KHDRBS2: variants seen among roughly 807,000 people sequenced by gnomAD.
KHDRBS2 encodes the protein KH domain-containing, RNA-binding, signal transduction-associated protein 2.
A neutral mutation model predicts 44.3 loss-of-function variants in KHDRBS2; 26 were observed. That is an observed-to-expected ratio of 0.59 (90% CI 0.43 to 0.81). The LOEUF (loss-of-function observed/expected upper bound fraction) is 0.81, where lower values mean the gene tolerates loss of function less well. Among genes scored for constraint, KHDRBS2 ranks in the 40% least tolerant of loss-of-function variants. The pLI, the probability that KHDRBS2 is intolerant of heterozygous loss-of-function variation, is 0.00. For synonymous variants in KHDRBS2, 194 were observed against 151.1 expected, an observed-to-expected ratio of 1.28 and a Z score of -2.08; for missense variants, 476 against 433.1, an observed-to-expected ratio of 1.10 and a Z score of -0.88.
chr6:61,820,786 G>A (rs1789775494), intron 6 of KHDRBS2, among the ~76,000 whole-genome samples: 1 of 151,942 alleles, frequency 6.6e-6, no homozygotes, highest in Admixed American at 6.6e-5. Context: ...CCATGCATGT[G>A]GGACACATTT....
At chr6:61,915,367 T>C (rs571099252) in intron 4 of KHDRBS2, among the ~76,000 whole-genome samples, 225 of 152,164 alleles carry the variant, frequency 1.5e-3, no homozygotes, top group African/African-American at 5.1e-3. Context: ...TCCTCATTTC[T>C]GTATAAGGAA....
intron 2 of KHDRBS2, among the ~76,000 whole-genome samples, chr6:62,163,467 C>T (rs1328410540): frequency 6.6e-6 from 1 of 152,000 alleles, no homozygotes; most frequent in African/African-American, 2.4e-5. Context: ...AGCACAAATA[C>T]TGTAGAAATG....
At chr6:61,569,046 G>A in the KHDRBS2 span, among the ~76,000 whole-genome samples, 11 of 33,704 alleles carry the variant, frequency 3.3e-4, no homozygotes, top group Non-Finnish European at 7.9e-4. Flanking sequence ...CTCATGGCAT[G>A]GGGCAGGGTC....
intron 6 of KHDRBS2, among the ~76,000 whole-genome samples, chr6:61,780,401 G>A (rs1286922126): frequency 6.6e-6 from 1 of 152,168 alleles, no homozygotes; most frequent in Non-Finnish European, 1.5e-5. Context: ...TTGGGAGGCT[G>A]AGGTGGGAGG....
At chr6:61,973,297 C>T (rs1771822466) in intron 4 of KHDRBS2, among the ~76,000 whole-genome samples, 1 of 151,982 alleles carries the variant, frequency 6.6e-6, no homozygotes, top group Non-Finnish European at 1.5e-5. Flanking sequence ...ATTCTGCTTC[C>T]CTTTTCTATT....
rs550621438 is a variant in KHDRBS2 at position 61,885,503 on chromosome 6, A to C, written c.810+9132T>G. 5.9e-5 allele frequency among the ~76,000 whole-genome samples: 9 copies of C among 152,298 alleles called. No individual in the cohort carries two copies. The East Asian group carries it at 1.5e-3, about 26-fold the overall frequency. On this transcript the variant is annotated intron_variant, in intron 6 of 8. Coordinates refer to ENST00000281156, the MANE Select transcript of KHDRBS2 (RefSeq NM_152688.4). ...GTAGTTCACAATGGAATAGCAGTAAAACCTCTATCTGTGAATACTTGTGTC... is the reference window on the plus strand; with the variant it reads ...GTAGTTCACAATGGAATAGCAGTAACACCTCTATCTGTGAATACTTGTGTC...
chr6:61,785,151 AAAAAAC>A (rs1783594038), intron 6 of KHDRBS2, among the ~76,000 whole-genome samples: 1 of 125,972 alleles, frequency 7.9e-6, no homozygotes. Context: ...CCTTGTCCTA[AAAAAAC>A]AAACAAACAA....
At chr6:61,965,046 G>A (rs1769598901) in intron 4 of KHDRBS2, among the ~76,000 whole-genome samples, 1 of 152,102 alleles carries the variant, frequency 6.6e-6, no homozygotes, top group Non-Finnish European at 1.5e-5. Flanking sequence ...TTGGGTGAAT[G>A]TAAACGAAGT....
intron 6 of KHDRBS2, among the ~76,000 whole-genome samples, chr6:61,889,415 C>A (rs1801468255): frequency 1.3e-5 from 2 of 152,200 alleles, no homozygotes; most frequent in Admixed American, 1.3e-4. Flanking sequence ...ATATTCATTT[C>A]AACAAACAGT....
chr6:61,608,147 T>C, the KHDRBS2 span, among the ~76,000 whole-genome samples: 1 of 152,136 alleles, frequency 6.6e-6, no homozygotes, highest in Non-Finnish European at 1.5e-5. Flanking sequence ...CCCAGATACT[T>C]TTTATGAAGG....
intron 3 of KHDRBS2, among the ~76,000 whole-genome samples, chr6:61,984,358 A>T (rs996082158): frequency 2.6e-5 from 4 of 152,156 alleles, no homozygotes; most frequent in African/African-American, 9.7e-5. Flanking sequence ...TTTTTTTGTG[A>T]AATTTCTAGC....
intron 7 of KHDRBS2, among the ~76,000 whole-genome samples, chr6:61,713,260 C>T (rs1770829825): frequency 6.6e-6 from 1 of 151,534 alleles, no homozygotes; most frequent in Non-Finnish European, 1.5e-5. Flanking sequence ...TAGCACCTAG[C>T]AAAATAGCAA....
intron 3 of KHDRBS2, among the ~76,000 whole-genome samples, chr6:61,982,854 C>T (rs1443418639): frequency 6.6e-6 from 1 of 152,090 alleles, no homozygotes; most frequent in Admixed American, 6.5e-5. Context: ...TGAAACAGTA[C>T]TGGTTCTTTA....
At position 61,905,139 on chromosome 6, in the gene KHDRBS2, A is replaced by AT. The variant is rs1457886461; in HGVS notation, c.484-3769dup. ...AAGAAAATAAATTGTATGTTGCCCA[A>AT]TTTTTTCAATACTTTACTTAATAAG... On this transcript the variant is annotated intron_variant, in intron 4 of 8. Transcript: ENST00000281156. 9.9e-5 allele frequency among the ~76,000 whole-genome samples: 15 copies of AT among 152,266 alleles called. No homozygotes were observed. The East Asian group carries it at 1.4e-3, about 14-fold the overall frequency.
At chr6:62,275,008 T>TACACACACACACAC (rs145870587) in intron 1 of KHDRBS2, among the ~76,000 whole-genome samples, 6 of 142,386 alleles carry the variant, frequency 4.2e-5, no homozygotes, top group African/African-American at 1.6e-4. Context: ...GCTCATCAAA[T>TACACACACACACAC]ACACACACAC....
chr6:61,570,593 A>T, the KHDRBS2 span, among the ~76,000 whole-genome samples: 4 of 152,160 alleles, frequency 2.6e-5, no homozygotes, highest in African/African-American at 4.8e-5. Flanking sequence ...TCATCGGAAA[A>T]AAATCATCAC....
chr6:62,235,753 C>T (rs529697023), intron 1 of KHDRBS2, among the ~76,000 whole-genome samples: 12 of 152,076 alleles, frequency 7.9e-5, no homozygotes, highest in African/African-American at 2.9e-4. Flanking sequence ...TCCTCATTAC[C>T]ATTTACTTCT....
At chr6:62,079,779 A>ATCT (rs1797045737) in intron 2 of KHDRBS2, among the ~76,000 whole-genome samples, 1 of 152,090 alleles carries the variant, frequency 6.6e-6, no homozygotes, top group Non-Finnish European at 1.5e-5. Flanking sequence ...GGACAGACAT[A>ATCT]TCCTAAGTTT....
At chr6:61,878,206 C>A (rs1242267639) in intron 6 of KHDRBS2, among the ~76,000 whole-genome samples, 1 of 151,902 alleles carries the variant, frequency 6.6e-6, no homozygotes, top group Non-Finnish European at 1.5e-5. Context: ...CCTGCATAGA[C>A]ACATTAATCT....
Sources: gnomAD v4.1 joint callset for allele counts (sites outside exome capture counted in the v4.1 genomes callset) on GRCh38, gnomAD v4.1.1 for gene constraint, MANE v1.5 for transcripts, NCBI Gene and HGNC (gene_info 2026-07-23, HGNC 2026-07-21) for gene names.